KBTBD11: variants seen among roughly 807,000 people sequenced by gnomAD.
The protein encoded by KBTBD11 is kelch repeat and BTB domain containing 11.
For synonymous variants in KBTBD11, 747 were observed against 499.0 expected (o/e 1.50, Z -6.63); for missense variants, 1,390 against 1,001.8 (o/e 1.39, Z -5.23).
At chr8:1,988,968 G>A (rs1816788330) in intron 1 of KBTBD11, among the ~76,000 whole-genome samples, 1 of 151,952 alleles carries the variant, frequency 6.6e-6, no homozygotes, top group South Asian at 2.1e-4. Flanking sequence ...TTCCAGCTGA[G>A]CGTCCTGGTA....
chr8:1,981,612 A>G (rs1195731452), intron 1 of KBTBD11, among the ~76,000 whole-genome samples: 1 of 152,188 alleles, frequency 6.6e-6, no homozygotes, highest in Non-Finnish European at 1.5e-5. Flanking sequence ...CAGTGTGAGG[A>G]AGATTTGCCC....
In KBTBD11 at chr8:2,001,284, C is replaced by A. The variant is rs1477935228; in HGVS notation, c.92C>A (p.Ala31Glu). ...ESESEGAASP[A>E]QTPCSLGASL... is the part of the protein sequence containing the mutation. ...GAGAGCGAGGGCGCCGCGTCCCCGGCGCAGACACCCTGCAGTCTCGGCGCG... is the reference window on the plus strand; with the variant it reads ...GAGAGCGAGGGCGCCGCGTCCCCGGAGCAGACACCCTGCAGTCTCGGCGCG... Residue 31 changes from alanine (A) to glutamate (E), a missense_variant, in exon 2 of 2, where the codon GCG (alanine) becomes GAG (glutamate). By Grantham distance (107) the Ala-to-Glu change is moderately radical. Transcript: ENST00000320248. 2.0e-6 allele frequency: 3 copies of A among 1,520,106 alleles called. No homozygotes were observed. The highest frequency in any genetic ancestry group is 2.6e-6 in the Non-Finnish European group (3 of 1,141,590). 94.2% of individuals were successfully genotyped at this position (1,520,106 alleles called of 1,614,324 possible).
rs1021193081 is a variant in KBTBD11, at chr8:1,984,830, A to G, written c.-909+10895A>G. ...GTGGCAGCCGATCATTGGAAATGAA[A>G]CCCCACTTTAAGGCCACGTACGTTT... On this transcript the variant is annotated intron_variant, in intron 1 of 1. Transcript: ENST00000320248. Among the ~76,000 whole-genome samples, 9 of 151,926 alleles carry G rather than the reference A, an allele frequency of 5.9e-5. No homozygotes were observed. The East Asian group carries it at 7.8e-4, about 13-fold the overall frequency.
chr8:1,993,370 C>T lies in KBTBD11; in HGVS notation c.-908-6915C>T, dbSNP rs991969432. 1.1e-3 allele frequency among the ~76,000 whole-genome samples: 132 copies of T among 123,030 alleles called. 1 individual carries two copies. Among genetic ancestry groups the T allele is most frequent in the African/African-American group, 4.2e-3 (123 of 29,040 alleles). The allele number at this position is 123,030 out of a possible 152,430, so 80.7% of individuals were successfully genotyped here. A position where few individuals can be genotyped will look rare whatever the true frequency, so the allele number is the denominator to read the frequency against. ...CTGTCCATCCATCGGTCCATCCGTC[C>T]GTCCGTCCGTCCGTCCGTCCGTCCA... On this transcript the variant is annotated intron_variant, in intron 1 of 1. Transcript: ENST00000320248.
chr8:1,993,329 C>G (rs1042228405), intron 1 of KBTBD11, among the ~76,000 whole-genome samples: 16 of 152,066 alleles, frequency 1.1e-4, no homozygotes, highest in African/African-American at 3.9e-4. Flanking sequence ...ATCTATCCAT[C>G]CAGTCGCCCA....
chr8:1,999,859 A>G (rs1817275454), intron 1 of KBTBD11, among the ~76,000 whole-genome samples: 1 of 152,262 alleles, frequency 6.6e-6, no homozygotes, highest in South Asian at 2.1e-4. Flanking sequence ...ATAAATTAAT[A>G]AAATCACACA....
intron 1 of KBTBD11, among the ~76,000 whole-genome samples, chr8:1,983,501 AC>A (rs1031189018): frequency 6.6e-6 from 1 of 151,700 alleles, no homozygotes; most frequent in African/African-American, 2.4e-5. Context: ...ATCTTGTAAC[AC>A]CCCCCTCAGC....
intron 1 of KBTBD11, among the ~76,000 whole-genome samples, chr8:1,977,147 C>G (rs1816375004): frequency 6.6e-6 from 1 of 151,754 alleles, no homozygotes; most frequent in Non-Finnish European, 1.5e-5. Context: ...TGACCCAAGA[C>G]AATTCTTCCA....
At position 2,001,301 on chromosome 8, in the gene KBTBD11, C is replaced by G. The variant is rs2129316224; in HGVS notation, c.109C>G (p.Leu37Val). 5.9e-6 allele frequency: 9 copies of G among 1,525,392 alleles called. No homozygotes were observed. Among genetic ancestry groups the G allele is most frequent in the South Asian group, 2.4e-5 (2 of 81,964 alleles). The allele number at this position is 1,525,392 out of a possible 1,614,324, so 94.5% of individuals were successfully genotyped here. A position where few individuals can be genotyped will look rare whatever the true frequency, so the allele number is the denominator to read the frequency against. ...AASPAQTPCS[L>V]GASLCFSSGE... is the part of the protein sequence containing the mutation. ...GTCCCCGGCGCAGACACCCTGCAGT[C>G]TCGGCGCGTCCCTGTGCTTCAGCTC... The change falls in exon 2 of 2, where the codon CTC (leucine) becomes GTC (valine). Residue 37 changes from leucine (L) to valine (V), a missense_variant. Coordinates refer to ENST00000320248, the MANE Select transcript of KBTBD11 (RefSeq NM_014867.3).
chr8:1,979,698 A>C (rs1585721171), intron 1 of KBTBD11, among the ~76,000 whole-genome samples: 1 of 152,392 alleles, frequency 6.6e-6, no homozygotes, highest in East Asian at 1.9e-4. Flanking sequence ...GGCCTAGCCA[A>C]GGGGACACAT....
intron 1 of KBTBD11, 139 bp downstream of exon 1, chr8:1,974,074 C>G: frequency 1.7e-6 from 1 of 574,976 alleles, no homozygotes; most frequent in Non-Finnish European, 2.1e-6. Context: ...AAAGGGGAGG[C>G]CGGCAGGGGA....
chr8:1,998,894 C>G (rs1817241675), intron 1 of KBTBD11, among the ~76,000 whole-genome samples: 1 of 152,184 alleles, frequency 6.6e-6, no homozygotes, highest in African/African-American at 2.4e-5. Flanking sequence ...ACATTGTGGT[C>G]CTTTCCCCGG....
chr8:1,974,077 G>T, intron 1 of KBTBD11, 142 bp downstream of exon 1: 2 of 509,622 alleles, frequency 3.9e-6, no homozygotes, highest in Non-Finnish European at 4.9e-6. Context: ...GGGGAGGCCG[G>T]CAGGGGAGAG....
At position 1,973,753 on chromosome 8, in the gene KBTBD11, C is replaced by G; in HGVS notation, c.-1091C>G. The G allele has an allele frequency of 2.0e-6, 2 of 983,848 alleles. No individual in the cohort carries two copies. The highest frequency in any genetic ancestry group is 2.4e-6 in the Non-Finnish European group (2 of 829,368). 60.9% of individuals were successfully genotyped at this position (983,848 alleles called of 1,614,324 possible). ...GGCCTGGAGAGGCGGAGAGGCCTGT[C>G]CACCGCCCCCTCTGCCGCCCACGCC... is the stretch of plus-strand genomic sequence containing the variant. On this transcript the variant is annotated 5_prime_UTR_variant, in exon 1 of 2. Transcript: ENST00000320248.
At chr8:1,993,922 TACACACACACACACAC>T (rs57317862) in intron 1 of KBTBD11, among the ~76,000 whole-genome samples, 1 of 139,692 alleles carries the variant, frequency 7.2e-6, no homozygotes, top group Non-Finnish European at 1.5e-5. Flanking sequence ...CAATACCCCC[TACACACACACACACAC>T]ACACACACAC....
chr8:1,996,626 A>C (rs188832655), intron 1 of KBTBD11, among the ~76,000 whole-genome samples: 4 of 152,224 alleles, frequency 2.6e-5, no homozygotes, highest in Non-Finnish European at 5.9e-5. Context: ...AAGTCAATGA[A>C]CGCATTCTTT....
At chr8:1,991,788 G>A (rs779111284) in intron 1 of KBTBD11, among the ~76,000 whole-genome samples, 6 of 151,948 alleles carry the variant, frequency 3.9e-5, no homozygotes, top group Non-Finnish European at 7.4e-5. Context: ...GTTTTAGGAC[G>A]AGATCACTGA....
At chr8:1,980,225 A>C (rs1197651861) in intron 1 of KBTBD11, among the ~76,000 whole-genome samples, 1 of 90,662 alleles carries the variant, frequency 1.1e-5, no homozygotes, top group Non-Finnish European at 2.2e-5. Context: ...ACTGATAATC[A>C]AACTTTTTTT....
At chr8:1,982,986 A>G (rs1449025261) in intron 1 of KBTBD11, among the ~76,000 whole-genome samples, 1 of 152,154 alleles carries the variant, frequency 6.6e-6, no homozygotes, top group African/African-American at 2.4e-5. Context: ...TTGGCCTCTC[A>G]GAGTGCTGGG....
Sources: allele counts gnomAD v4.1 joint callset (sites outside exome capture counted in the v4.1 genomes callset), GRCh38; gene constraint gnomAD v4.1.1; transcripts MANE v1.5; gene names NCBI Gene and HGNC (gene_info 2026-07-23, HGNC 2026-07-21).